TTC34: variants seen among roughly 807,000 people sequenced by gnomAD.
TTC34 encodes tetratricopeptide repeat protein 34.
A neutral mutation model predicts 40.7 loss-of-function variants in TTC34; 44 were observed. That is an observed-to-expected ratio of 1.08 (90% confidence interval 0.85 to 1.39). The LOEUF (loss-of-function observed/expected upper bound fraction) is 1.39, where lower values mean the gene tolerates loss of function less well. Ranked by LOEUF, TTC34 falls within the 40% of genes most tolerant of loss-of-function variation. TTC34 has a pLI of 0.00. For synonymous variants in TTC34, 422 were observed against 398.6 expected, an observed-to-expected ratio of 1.06 and a Z score of -0.70; for missense variants, 884 against 838.0, an observed-to-expected ratio of 1.05 and a Z score of -0.68.
intron 6 of TTC34, among the ~76,000 whole-genome samples, chr1:2,671,892 A>C (rs1442758922): frequency 8.9e-4 from 111 of 124,210 alleles, no homozygotes; most frequent in African/African-American, 1.2e-3. Context: ...CATCTGACCG[A>C]ACGGAGCAGC....
chr1:2,694,202 T>TCTGACAGCCTGGAGCAGAACCCACACCCA (rs1640757558), intron 6 of TTC34, among the ~76,000 whole-genome samples: 1 of 93,688 alleles, frequency 1.1e-5, no homozygotes, highest in Non-Finnish European at 2.4e-5. Context: ...CAGGTGAGCA[T>TCTGACAGCCTGGAGCAGAACCCACACCCA]GTGACAGCCT....
chr1:2,640,600 G>T (rs1000935389), exon 9 of TTC34: 1 of 152,216 alleles, frequency 6.6e-6, no homozygotes, highest in Non-Finnish European at 1.5e-5. Flanking sequence ...AGGTCAGCTT[G>T]GGGTATGGGC....
At chr1:2,755,221 C>T (rs1469580330) in intron 6 of TTC34, among the ~76,000 whole-genome samples, 2 of 56,232 alleles carry the variant, frequency 3.6e-5, no homozygotes, top group Non-Finnish European at 5.9e-5. Context: ...GCACCTCACA[C>T]CCCCAGGTGA....
rs1260929127 is a variant in TTC34 at position 2,748,760 on chromosome 1, C to A, written c.2226+34849G>T. On this transcript the variant is annotated intron_variant, in intron 6 of 8. Coordinates refer to ENST00000401095, the Ensembl canonical transcript of TTC34. ...CTGACAGACTGGAACAGCACCCACA[C>A]CCCTAGGAGAGCATCCGGCAGCCTG... Among the ~76,000 whole-genome samples, 29 of 27,606 alleles carry A rather than the reference C, an allele frequency of 1.1e-3. 3 individuals are homozygous for A. The highest frequency in any genetic ancestry group is 2.2e-3 in the South Asian group (2 of 920). The allele number at this position is 27,606 out of a possible 152,430, so 18.1% of individuals were successfully genotyped here. A position where few individuals can be genotyped will look rare whatever the true frequency, so the allele number is the denominator to read the frequency against.
chr1:2,654,167 C>A (rs1181979170), intron 6 of TTC34, among the ~76,000 whole-genome samples: 3 of 152,352 alleles, frequency 2.0e-5, no homozygotes, highest in African/African-American at 7.2e-5. Flanking sequence ...GCAGCACCCA[C>A]ACCCCCAGGC....
chr1:2,789,618 CCAG>C (rs1643638341), exon 3 of TTC34: 2 of 1,379,898 alleles, frequency 1.4e-6, no homozygotes. Context: ...CGCAGCACCA[CCAG>C]CAGCAGCCCC....
At chr1:2,749,803 A>C in intron 6 of TTC34, among the ~76,000 whole-genome samples, 1 of 126,586 alleles carries the variant, frequency 7.9e-6, no homozygotes. Context: ...CAGCACCCAC[A>C]CCCCCAGGTG....
chr1:2,750,619 T>C (rs1307220217), intron 6 of TTC34, among the ~76,000 whole-genome samples: 25 of 148,812 alleles, frequency 1.7e-4, no homozygotes, highest in East Asian at 1.0e-3. Context: ...CAGGTGAGCA[T>C]CTGACAGCCT....
At chr1:2,800,275 G>A (rs1243872971) in exon 2 of TTC34, 1 of 398,574 alleles carries the variant, frequency 2.5e-6, no homozygotes, top group African/African-American at 2.1e-5. Context: ...AGCAGCGCGG[G>A]GAGGTGGGGC....
At chr1:2,644,164 CAG>C (rs1638970407) in intron 8 of TTC34, 98 bp downstream of exon 8, 1 of 1,246,870 alleles carries the variant, frequency 8.0e-7, no homozygotes. Flanking sequence ...AACCCAACCG[CAG>C]AGAGTGAAGA....
rs201867073 is a variant in TTC34, at chr1:2,691,010, G to C, written c.2227-45447C>G. Among the ~76,000 whole-genome samples the C allele has an allele frequency of 3.8e-5, 2 of 52,870 alleles. 1 individual carries two copies. The highest frequency in any genetic ancestry group is 9.1e-5 in the Non-Finnish European group (2 of 22,032). 34.7% of individuals were successfully genotyped at this position (52,870 alleles called of 152,430 possible). Reference sequence around the variant, plus strand: ...AGGAGAGCATCCGGCAGCCTGGAGCGGAACCCACACCAACAGGCGAGCATC... The same window carrying C: ...AGGAGAGCATCCGGCAGCCTGGAGCCGAACCCACACCAACAGGCGAGCATC... On this transcript the variant is annotated intron_variant, in intron 6 of 8. Coordinates refer to ENST00000401095, the Ensembl canonical transcript of TTC34.
In TTC34 at chr1:2,790,000, G is replaced by C. The variant is rs1416197749; in HGVS notation, c.1131C>G (p.Leu377=). The C allele has an allele frequency of 7.6e-6, 3 of 393,774 alleles. No homozygotes were observed. In the Admixed American group the frequency reaches 1.3e-4, roughly 18 times the overall value. 24.4% of individuals were successfully genotyped at this position (393,774 alleles called of 1,614,324 possible). ...CCCCTGCCAGCAGCAGGCACTCGGC[G>C]AGGCGGGCTCCCAGCGCGGGTCGCG... Residue 377 remains leucine, a synonymous_variant, in exon 3 of 9, where the codon CTC becomes CTG. Transcript: ENST00000401095.
chr1:2,675,640 A>C, intron 6 of TTC34, among the ~76,000 whole-genome samples: 13 of 66,682 alleles, frequency 1.9e-4, no homozygotes, highest in East Asian at 4.3e-4. Context: ...GCAGCACCCC[A>C]CACCCCCAGG....
chr1:2,750,171 C>A (rs1328498856), intron 6 of TTC34, among the ~76,000 whole-genome samples: 44 of 134,988 alleles, frequency 3.3e-4, no homozygotes, highest in East Asian at 7.2e-4. Flanking sequence ...CACCCCCAGG[C>A]GAGCATCTGA....
At chr1:2,687,411 G>A (rs560208981) in intron 6 of TTC34, among the ~76,000 whole-genome samples, 1 of 151,482 alleles carries the variant, frequency 6.6e-6, no homozygotes, top group South Asian at 2.1e-4. Context: ...CACACCCCCA[G>A]GTGAGCATCT....
intron 6 of TTC34, among the ~76,000 whole-genome samples, chr1:2,687,543 A>T: frequency 6.9e-6 from 1 of 145,238 alleles, no homozygotes; most frequent in Admixed American, 6.7e-5. Context: ...TGAGCATCTG[A>T]CAGCATGGAG....
At chr1:2,685,413 C>T (rs1202188266) in intron 6 of TTC34, among the ~76,000 whole-genome samples, 16 of 140,156 alleles carry the variant, frequency 1.1e-4, no homozygotes, top group South Asian at 2.2e-4. Context: ...AGGTGAGCAT[C>T]GGAGAGTCTG....
At chr1:2,751,420 T>G (rs1641315173) in intron 6 of TTC34, among the ~76,000 whole-genome samples, 11 of 129,120 alleles carry the variant, frequency 8.5e-5, no homozygotes, top group Admixed American at 2.4e-4. Flanking sequence ...CAGGTGGGCA[T>G]CTGACAGCCT....
At chr1:2,797,833 C>T (rs1398435403) in intron 2 of TTC34, among the ~76,000 whole-genome samples, 1 of 152,030 alleles carries the variant, frequency 6.6e-6, no homozygotes, top group Non-Finnish European at 1.5e-5. Context: ...AGTTGCTCAT[C>T]ATGAACTCAG....
Sources: allele counts gnomAD v4.1 joint callset (sites outside exome capture counted in the v4.1 genomes callset), GRCh38; gene constraint gnomAD v4.1.1; transcripts MANE v1.5; gene names NCBI Gene and HGNC (gene_info 2026-07-23, HGNC 2026-07-21).